CUL3: variants seen among roughly 807,000 people sequenced by gnomAD.
CUL3 encodes the protein cullin 3, also known as cullin-3.
A neutral mutation model predicts 89.1 loss-of-function variants in CUL3; 19 were observed. That is an observed-to-expected ratio of 0.21 (90% CI 0.15 to 0.31). CUL3 has a LOEUF of 0.31. Ranked by LOEUF, CUL3 falls within the 10% of genes least tolerant of loss-of-function variation. CUL3 has a pLI of 1.00. For missense variants in CUL3, 469 were observed against 942.3 expected (o/e 0.50, Z 6.58); for synonymous variants, 351 against 308.4 (o/e 1.14, Z -1.45).
At chr2:224,549,386 A>G (rs1356231327) in intron 2 of CUL3, among the ~76,000 whole-genome samples, 1 of 152,200 alleles carries the variant, frequency 6.6e-6, no homozygotes, top group Non-Finnish European at 1.5e-5. Context: ...AGGAATAAAC[A>G]GTCTTAGAGA....
At chr2:224,487,744 C>T (rs12997879) in intron 13 of CUL3, among the ~76,000 whole-genome samples, 3 of 151,054 alleles carry the variant, frequency 2.0e-5, no homozygotes, top group Non-Finnish European at 1.5e-5. Flanking sequence ...ACTCAGCTCT[C>T]GACTAACAGA....
intron 1 of CUL3, among the ~76,000 whole-genome samples, chr2:224,560,042 C>T (rs1028161311): frequency 2.0e-5 from 3 of 152,112 alleles, no homozygotes; most frequent in Non-Finnish European, 4.4e-5. Context: ...GAGACTGCGC[C>T]ACTACACACC....
intron 1 of CUL3, among the ~76,000 whole-genome samples, chr2:224,581,833 T>C (rs1695447551): frequency 6.6e-6 from 1 of 152,034 alleles, no homozygotes; most frequent in Non-Finnish European, 1.5e-5. Context: ...GCTTGACACT[T>C]TTGGTGAAAC....
intron 13 of CUL3, among the ~76,000 whole-genome samples, chr2:224,486,019 C>T (rs958817091): frequency 3.3e-5 from 5 of 152,324 alleles, no homozygotes; most frequent in South Asian, 2.1e-4. Context: ...AGAAGAGAGG[C>T]CTGATTGTTA....
chr2:224,565,967 A>C (rs919491634), intron 1 of CUL3, among the ~76,000 whole-genome samples: 2 of 152,124 alleles, frequency 1.3e-5, no homozygotes, highest in African/African-American at 4.8e-5. Flanking sequence ...CCAGACTTTC[A>C]TCATGTTCCC....
rs564205966 is a variant in CUL3 at position 224,473,939 on chromosome 2, G to C, written c.*306C>G. 2.8e-5 allele frequency: 7 copies of C among 249,032 alleles called. No individual in the cohort carries two copies. The highest frequency in any genetic ancestry group is 1.1e-4 in the African/African-American group (5 of 45,762). The allele number at this position is 249,032 out of a possible 1,614,324, so 15.4% of individuals were successfully genotyped here. Reference sequence around the variant, plus strand: ...TCCAACAATTTTATTGTAATGAGCTGTATTTTCTAAATTTCTCTTTTATTT... The same window carrying C: ...TCCAACAATTTTATTGTAATGAGCTCTATTTTCTAAATTTCTCTTTTATTT... On this transcript the variant is annotated 3_prime_UTR_variant, in exon 16 of 16. Transcript: ENST00000264414.
chr2:224,555,826 G>A (rs1386438080), intron 2 of CUL3, among the ~76,000 whole-genome samples: 1 of 152,038 alleles, frequency 6.6e-6, no homozygotes, highest in Non-Finnish European at 1.5e-5. Flanking sequence ...CCTCTCCTCC[G>A]TTTGAATTCT....
intron 9 of CUL3, 88 bp from the exon 10 acceptor site, chr2:224,503,160 T>G: frequency 1.2e-6 from 1 of 857,920 alleles, no homozygotes; most frequent in Non-Finnish European, 1.9e-6. Flanking sequence ...TTCATGTTAT[T>G]GCTATCCCTG....
At chr2:224,557,136 A>C (rs1193624938) in intron 2 of CUL3, among the ~76,000 whole-genome samples, 1 of 152,090 alleles carries the variant, frequency 6.6e-6, no homozygotes, top group East Asian at 1.9e-4. Flanking sequence ...ATTTGTTCTA[A>C]AAAAATACAT....
chr2:224,497,990 A>T (rs1692229727), intron 11 of CUL3, 141 bp from the exon 12 acceptor site: 1 of 648,736 alleles, frequency 1.5e-6, no homozygotes, highest in Non-Finnish European at 2.7e-6. Flanking sequence ...AACTTTAGGA[A>T]TCAAGTTCAG....
chr2:224,548,502 A>G (rs1184696489), intron 2 of CUL3, among the ~76,000 whole-genome samples: 1 of 152,120 alleles, frequency 6.6e-6, no homozygotes, highest in African/African-American at 2.4e-5. Context: ...TTGTTCAGCT[A>G]TTTTTCTAAG....
At position 224,471,101 on chromosome 2, in the gene CUL3, G is replaced by A; in HGVS notation, c.*3144C>T. 2 of 220,678 alleles carry A rather than the reference G, an allele frequency of 9.1e-6. No individual in the cohort carries two copies. The highest frequency in any genetic ancestry group is 1.8e-5 in the Non-Finnish European group (2 of 110,234). 13.7% of individuals were successfully genotyped at this position (220,678 alleles called of 1,614,324 possible). On this transcript the variant is annotated 3_prime_UTR_variant, in exon 16 of 16. Coordinates refer to ENST00000264414, the MANE Select transcript of CUL3 (RefSeq NM_003590.5). Reference sequence around the variant, plus strand: ...ACATTTCTAATTATTTCTGCTTTGAGGACTAGAAATGACTTCTAATTTTGC... The same window carrying A: ...ACATTTCTAATTATTTCTGCTTTGAAGACTAGAAATGACTTCTAATTTTGC...
Position 224,472,984 on chromosome 2 carries a change from T to C in CUL3, c.*1261A>G, listed in dbSNP as rs1057454883. 1.4e-4 allele frequency: 28 copies of C among 203,496 alleles called. No individual in the cohort carries two copies. In the Admixed American group the frequency reaches 1.7e-3, roughly 12 times the overall value. 12.6% of individuals were successfully genotyped at this position (203,496 alleles called of 1,614,324 possible). On this transcript the variant is annotated 3_prime_UTR_variant, in exon 16 of 16. Transcript: ENST00000264414. ...GAAACATTGTCTTATGAAAACAAAATGAAACAAAATTAAATAAAATTGAAG... is the reference window on the plus strand; with the variant it reads ...GAAACATTGTCTTATGAAAACAAAACGAAACAAAATTAAATAAAATTGAAG...
chr2:224,508,731 G>A (rs181978687), intron 6 of CUL3, among the ~76,000 whole-genome samples: 70 of 152,214 alleles, frequency 4.6e-4, no homozygotes, highest in African/African-American at 1.5e-3. Flanking sequence ...AGGCTGAGAC[G>A]GGCGGATCAC....
intron 3 of CUL3, among the ~76,000 whole-genome samples, chr2:224,526,623 C>CAAATAATG: frequency 9.2e-6 from 1 of 108,178 alleles, no homozygotes; most frequent in South Asian, 3.2e-4. Context: ...AAAAGAAAAA[C>CAAATAATG]AAATAATGTG....
intron 2 of CUL3, among the ~76,000 whole-genome samples, chr2:224,545,151 A>T (rs181967335): frequency 2.3e-4 from 35 of 152,326 alleles, no homozygotes; most frequent in Admixed American, 1.8e-3. Flanking sequence ...ACTAAGGCCA[A>T]GATAATTAAT....
At position 224,472,422 on chromosome 2, in the gene CUL3, A is replaced by C. The variant is rs528258386; in HGVS notation, c.*1823T>G. ...CATTTAACTGGGAAATGAAAGCAATAAAAAAATTCTCAAACATGAACTACC... is the reference window on the plus strand; with the variant it reads ...CATTTAACTGGGAAATGAAAGCAATCAAAAAATTCTCAAACATGAACTACC... On this transcript the variant is annotated 3_prime_UTR_variant, in exon 16 of 16. Transcript: ENST00000264414. 1 of 202,076 alleles carries C rather than the reference A, an allele frequency of 4.9e-6. No homozygotes were observed. The highest frequency in any genetic ancestry group is 2.3e-5 in the African/African-American group (1 of 43,786). The allele number at this position is 202,076 out of a possible 1,614,324, so 12.5% of individuals were successfully genotyped here. A position where few individuals can be genotyped will look rare whatever the true frequency, so the allele number is the denominator to read the frequency against.
chr2:224,500,542 G>T, intron 10 of CUL3, 55 bp from the exon 11 acceptor site: 1 of 1,564,758 alleles, frequency 6.4e-7, no homozygotes, highest in Non-Finnish European at 8.8e-7. Flanking sequence ...TTTGCTTTCT[G>T]TTCTGTTTAG....
At chr2:224,555,927 C>T (rs971876447) in intron 2 of CUL3, among the ~76,000 whole-genome samples, 10 of 152,176 alleles carry the variant, frequency 6.6e-5, no homozygotes, top group African/African-American at 2.2e-4. Context: ...CCATCTCTCA[C>T]ATCACAATAA....
Sources: allele counts gnomAD v4.1 joint callset (sites outside exome capture counted in the v4.1 genomes callset), GRCh38; gene constraint gnomAD v4.1.1; transcripts MANE v1.5; gene names NCBI Gene and HGNC (gene_info 2026-07-23, HGNC 2026-07-21).